CTNNA3: variants seen among roughly 807,000 people sequenced by gnomAD.
CTNNA3 encodes catenin alpha-3.
In CTNNA3, 76 loss-of-function variants were observed where a neutral mutation model predicts 95.7. The ratio of observed to expected loss-of-function variants is 0.79; its 90% CI spans 0.66 to 0.96. The LOEUF (loss-of-function observed/expected upper bound fraction) is 0.96, where lower values mean the gene tolerates loss of function less well. Ranked by LOEUF, CTNNA3 falls within the 40% of genes least tolerant of loss-of-function variation. CTNNA3 has a pLI of 0.00. For synonymous variants in CTNNA3, 431 were observed against 374.4 expected (o/e 1.15, Z -1.74); for missense variants, 1,191 against 1,089.8 (o/e 1.09, Z -1.31).
At chr10:66,276,096 G>GT (rs1216507289) in intron 13 of CTNNA3, among the ~76,000 whole-genome samples, 1 of 151,886 alleles carries the variant, frequency 6.6e-6, no homozygotes, top group Non-Finnish European at 1.5e-5. Context: ...ATTTTTCTTT[G>GT]TTTCCTCAAA....
intron 13 of CTNNA3, among the ~76,000 whole-genome samples, chr10:66,133,527 A>G (rs570238715): frequency 1.1e-4 from 16 of 152,024 alleles, no homozygotes; most frequent in African/African-American, 3.9e-4. Context: ...AAAAAAACAA[A>G]AAACAAAAAA....
chr10:67,456,369 A>G (rs1225297879), intron 5 of CTNNA3, among the ~76,000 whole-genome samples: 1 of 152,190 alleles, frequency 6.6e-6, no homozygotes, highest in African/African-American at 2.4e-5. Context: ...ACTCCTATGG[A>G]TAGCAATATT....
At chr10:66,508,238 A>T (rs1840533770) in intron 11 of CTNNA3, among the ~76,000 whole-genome samples, 1 of 95,804 alleles carries the variant, frequency 1.0e-5, no homozygotes, top group African/African-American at 4.6e-5. Context: ...AATTTCGTTG[A>T]CTCTCAGAGT....
At chr10:66,008,672 T>C (rs2078944496) in intron 15 of CTNNA3, among the ~76,000 whole-genome samples, 2 of 152,198 alleles carry the variant, frequency 1.3e-5, no homozygotes, top group African/African-American at 2.4e-5. Flanking sequence ...TATACAGAAA[T>C]ATACATTTTA....
chr10:66,403,303 T>C (rs904919963), intron 11 of CTNNA3, among the ~76,000 whole-genome samples: 1 of 151,630 alleles, frequency 6.6e-6, no homozygotes, highest in South Asian at 2.1e-4. Context: ...ATATCTGGTA[T>C]ATTAGTCCAT....
chr10:66,269,500 A>G (rs2091230890), intron 13 of CTNNA3, among the ~76,000 whole-genome samples: 1 of 152,210 alleles, frequency 6.6e-6, no homozygotes, highest in Admixed American at 6.5e-5. Flanking sequence ...TGTATTTTAC[A>G]GCCATTTTTA....
At chr10:66,824,398 A>T (rs1035088302) in intron 7 of CTNNA3, among the ~76,000 whole-genome samples, 8 of 152,190 alleles carry the variant, frequency 5.3e-5, no homozygotes, top group Admixed American at 1.3e-4. Flanking sequence ...TGGCTATCTC[A>T]GAAGGATTTC....
In CTNNA3 at chr10:66,217,365, A is replaced by G. The variant is rs560464385; in HGVS notation, c.1884+63105T>C. On this transcript the variant is annotated intron_variant, in intron 13 of 17. Coordinates refer to ENST00000433211, the MANE Select transcript of CTNNA3 (RefSeq NM_013266.4). ...GAGACTCTATCTCAAAAAAAAAAAA[A>G]AAAGAAAGGAGTCATACAATATATA... 4.2e-4 allele frequency among the ~76,000 whole-genome samples: 64 copies of G among 151,978 alleles called. 1 individual carries two copies. In the South Asian group the frequency reaches 0.013, roughly 31 times the overall value.
At chr10:66,423,374 T>C (rs1256985725) in intron 11 of CTNNA3, among the ~76,000 whole-genome samples, 1 of 152,158 alleles carries the variant, frequency 6.6e-6, no homozygotes, top group African/African-American at 2.4e-5. Flanking sequence ...ATGGGAATAA[T>C]ATGTTTCTTG....
chr10:66,392,097 G>A (rs2441726), intron 11 of CTNNA3, among the ~76,000 whole-genome samples: 98,043 of 151,838 alleles, frequency 0.65, 33,273 homozygotes, highest in East Asian at 0.88. Context: ...ATTGGACTTC[G>A]TAAAAATTTA....
intron 10 of CTNNA3, among the ~76,000 whole-genome samples, chr10:66,546,703 C>A (rs1294287779): frequency 6.6e-6 from 1 of 152,104 alleles, no homozygotes. Context: ...CACTCACTAT[C>A]ATGAGGACAG....
chr10:66,158,113 GTC>G (rs1276041960), intron 13 of CTNNA3, among the ~76,000 whole-genome samples: 1 of 152,090 alleles, frequency 6.6e-6, no homozygotes. Context: ...TCTGTGGGTT[GTC>G]TGTTTACTCT....
chr10:66,248,629 A>T (rs564854254), intron 13 of CTNNA3, among the ~76,000 whole-genome samples: 1 of 152,300 alleles, frequency 6.6e-6, no homozygotes, highest in South Asian at 2.1e-4. Flanking sequence ...TCAAGATGAA[A>T]ACTGTAAGAA....
At chr10:67,629,870 A>G (rs771999102) in intron 2 of CTNNA3, among the ~76,000 whole-genome samples, 1 of 152,056 alleles carries the variant, frequency 6.6e-6, no homozygotes, top group Non-Finnish European at 1.5e-5. Context: ...CTATGACTCA[A>G]CTCTTCCCCT....
intron 11 of CTNNA3, among the ~76,000 whole-genome samples, chr10:66,478,233 G>A (rs150942098): frequency 5.3e-5 from 8 of 151,950 alleles, no homozygotes; most frequent in Admixed American, 1.3e-4. Context: ...ATTAAATAAT[G>A]GACCTGAATC....
intron 9 of CTNNA3, among the ~76,000 whole-genome samples, chr10:66,670,733 T>C (rs1221864407): frequency 1.3e-5 from 2 of 152,166 alleles, no homozygotes; most frequent in Non-Finnish European, 2.9e-5. Flanking sequence ...TTCAAAACAT[T>C]ACCTAGGTTA....
chr10:66,833,600 A>C (rs373623791), intron 7 of CTNNA3, among the ~76,000 whole-genome samples: 22 of 152,184 alleles, frequency 1.4e-4, no homozygotes, highest in African/African-American at 5.3e-4. Flanking sequence ...ACTCACCATC[A>C]ACAAGCTAAT....
In CTNNA3 at chr10:66,656,602, T is replaced by C. The variant is rs545261369; in HGVS notation, c.1282-34818A>G. Among the ~76,000 whole-genome samples the C allele has an allele frequency of 7.9e-5, 12 of 152,196 alleles. No individual in the cohort carries two copies. The East Asian group carries it at 2.3e-3, about 29-fold the overall frequency. ...CTGAAAGTCTGCCTCTAGTGTGCAT[T>C]TTATTAACCCCAATAAACATTTACT... is the stretch of plus-strand genomic sequence containing the variant. On this transcript the variant is annotated intron_variant, in intron 9 of 17. Transcript: ENST00000433211.
chr10:66,589,905 C>CA (rs1843488911), intron 10 of CTNNA3, among the ~76,000 whole-genome samples: 9 of 152,012 alleles, frequency 5.9e-5, no homozygotes, highest in Non-Finnish European at 1.0e-4. Context: ...TGATTCCCAT[C>CA]ATAAACGCTG....
Sources: gnomAD v4.1 joint callset for allele counts (sites outside exome capture counted in the v4.1 genomes callset) on GRCh38, gnomAD v4.1.1 for gene constraint, MANE v1.5 for transcripts, NCBI Gene and HGNC (gene_info 2026-07-23, HGNC 2026-07-21) for gene names.